UBQLN4: variants seen among roughly 807,000 people sequenced by gnomAD.
The protein encoded by UBQLN4 is ubiquilin-4.
A neutral mutation model predicts 60.4 loss-of-function variants in UBQLN4; 11 were observed. The ratio of observed to expected loss-of-function variants is 0.18; its 90% CI spans 0.11 to 0.30. The LOEUF is 0.30. Among genes scored for constraint, UBQLN4 ranks in the 10% least tolerant of loss-of-function variants. UBQLN4 has a pLI of 1.00. For missense variants in UBQLN4, 417 were observed against 795.5 expected, an observed-to-expected ratio of 0.52 and a Z score of 5.72; for synonymous variants, 258 against 313.1, an observed-to-expected ratio of 0.82 and a Z score of 1.86.
At chr1:156,045,914 C>T (rs1278804995) in intron 5 of UBQLN4, among the ~76,000 whole-genome samples, 1 of 151,806 alleles carries the variant, frequency 6.6e-6, no homozygotes, top group African/African-American at 2.4e-5. Flanking sequence ...GGCACAATCT[C>T]GGCTCACTGC....
intron 2 of UBQLN4, 73 bp downstream of exon 2, chr1:156,051,633 T>A: frequency 1.9e-6 from 3 of 1,600,790 alleles, no homozygotes; most frequent in East Asian, 2.2e-5. Flanking sequence ...TGGGTACAGT[T>A]AAGCAATGAG....
At position 156,048,698 on chromosome 1, in the gene UBQLN4, G is replaced by T. The variant is rs1344402852; in HGVS notation, c.742-39C>A. The T allele has an allele frequency of 1.3e-6, 2 of 1,597,976 alleles. No individual in the cohort carries two copies. Among genetic ancestry groups the T allele is most frequent in the African/African-American group, 2.7e-5 (2 of 74,646 alleles). On this transcript the variant is annotated intron_variant, in intron 4 of 10. Transcript: ENST00000368309. This position sits in a 1 kb window ranked among gnomAD's most constrained non-coding sequence, Gnocchi z 4.9. ...AGAGACAAAATGGGCCCCGGAACCA[G>T]GGGAGCACCAACCTAGGAAAAGGGT...
At position 156,042,213 on chromosome 1, in the gene UBQLN4, G is replaced by A. The variant is rs192302628; in HGVS notation, c.1290C>T (p.Phe430=). ...GCTCCTGCAGTTGGGGGTTCCCCGC[G>A]AAGAGCGGCACATTCACCATCATCT... ...AAQMMVNVPL[F]AGNPQLQEQL... The change falls in exon 8 of 11, where the codon TTC becomes TTT. Residue 430 remains phenylalanine (F), a synonymous_variant. Transcript: ENST00000368309. 2.1e-5 allele frequency: 33 copies of A among 1,604,388 alleles called. No homozygotes were observed. The Admixed American group carries it at 2.9e-4, about 14-fold the overall frequency.
At chr1:156,045,347 T>C (rs1432704432) in intron 5 of UBQLN4, among the ~76,000 whole-genome samples, 5 of 152,224 alleles carry the variant, frequency 3.3e-5, no homozygotes, top group African/African-American at 1.2e-4. Context: ...CCTCTGTGCC[T>C]GTTTCAGATT....
Position 156,041,580 on chromosome 1 carries a change from T to C in UBQLN4, c.1558A>G (p.Thr520Ala). The C allele has an allele frequency of 6.2e-7, 1 of 1,612,832 alleles. No individual in the cohort carries two copies. The highest frequency in any genetic ancestry group is 2.2e-5 in the East Asian group (1 of 44,790). ...TPEAPTSSPA[T>A]PATSSPTGAS... is the part of the protein sequence containing the mutation. ...CCTGTTGGAGAAGATGTGGCTGGCGTGGCTGGTGAGGAAGTGGGGGCCTCG... is the reference window on the plus strand; with the variant it reads ...CCTGTTGGAGAAGATGTGGCTGGCGCGGCTGGTGAGGAAGTGGGGGCCTCG... Residue 520 changes from threonine (T) to alanine (A), a missense_variant, in exon 10 of 11, where the codon ACG (threonine) becomes GCG (alanine). Transcript: ENST00000368309.
chr1:156,039,607 GGT>G (rs1683494574), intron 10 of UBQLN4, among the ~76,000 whole-genome samples: 1 of 151,904 alleles, frequency 6.6e-6, no homozygotes, highest in African/African-American at 2.4e-5. Flanking sequence ...TTGCCCAAGG[GGT>G]ATTTGGAAAG....
rs762666842 is a variant in UBQLN4 at position 156,041,861 on chromosome 1, C to G, written c.1466+11G>C. ...TAGAACCTTGCTGCCCTCCTGCCCC[C>G]CTACCCTCACCTGGGTACCAGCCCA... is the stretch of plus-strand genomic sequence containing the variant. On this transcript the variant is annotated intron_variant, in intron 9 of 10. Coordinates refer to ENST00000368309, the MANE Select transcript of UBQLN4 (RefSeq NM_020131.5). 1.2e-6 allele frequency: 2 copies of G among 1,605,408 alleles called. No homozygotes were observed. Among genetic ancestry groups the G allele is most frequent in the Non-Finnish European group, 8.5e-7 (1 of 1,177,222 alleles).
intron 3 of UBQLN4, 70 bp downstream of exon 3, chr1:156,051,040 C>T (rs4581274): frequency 6.8e-7 from 1 of 1,466,360 alleles, no homozygotes; most frequent in Non-Finnish European, 9.4e-7. Context: ...ACTCCTGTTT[C>T]TCCCTCCTCT....
Position 156,041,861 on chromosome 1 carries a change from C to A in UBQLN4, c.1466+11G>T, listed in dbSNP as rs762666842. 5 of 1,605,408 alleles carry A rather than the reference C, an allele frequency of 3.1e-6. No individual in the cohort carries two copies. The East Asian group carries it at 8.9e-5, about 29-fold the overall frequency. ...TAGAACCTTGCTGCCCTCCTGCCCCCCTACCCTCACCTGGGTACCAGCCCA... is the reference window on the plus strand; with the variant it reads ...TAGAACCTTGCTGCCCTCCTGCCCCACTACCCTCACCTGGGTACCAGCCCA... On this transcript the variant is annotated intron_variant, in intron 9 of 10. Transcript: ENST00000368309.
downstream of UBQLN4, among the ~76,000 whole-genome samples, chr1:156,031,577 CTTT>C (rs58222507): frequency 7.7e-4 from 95 of 122,690 alleles, no homozygotes; most frequent in Non-Finnish European, 9.7e-4. Flanking sequence ...GGAACTTCTT[CTTT>C]TTTTTTTTTT....
In UBQLN4 at chr1:156,037,116, T is replaced by C. The variant is rs767056247; in HGVS notation, c.1668A>G (p.Glu556=). 3 of 1,614,154 alleles carry C rather than the reference T, an allele frequency of 1.9e-6. No homozygotes were observed. The highest frequency in any genetic ancestry group is 1.7e-4 in the Middle Eastern group (1 of 6,060). The part of the protein sequence containing the change: ...GSGNSQVQTP[E]VRFQQQLEQL... ...GCTCCAGCTGCTGCTGAAATCTCAC[T>C]TCTGGCGTCTGCACCTGGAGGGGAC... Residue 556 remains glutamate, a synonymous_variant, in exon 11 of 11, where the codon GAA becomes GAG. Transcript: ENST00000368309.
chr1:156,051,900 T>TC (rs1014350422), intron 1 of UBQLN4, 43 bp from the exon 2 acceptor site: 1 of 1,609,470 alleles, frequency 6.2e-7, no homozygotes, highest in Non-Finnish European at 8.5e-7. Context: ...CTGCCTGGAC[T>TC]CCCCCTACCA....
intron 1 of UBQLN4, 132 bp from the exon 2 acceptor site, chr1:156,051,989 C>G (rs1469538197): frequency 2.8e-6 from 3 of 1,080,984 alleles, no homozygotes; most frequent in Non-Finnish European, 3.9e-6. Context: ...TCTGTAGTCT[C>G]GACGCCATTC....
chr1:156,037,250 G>A (rs1174464304), intron 10 of UBQLN4, 120 bp from the exon 11 acceptor site: 2 of 1,291,426 alleles, frequency 1.5e-6, no homozygotes, highest in African/African-American at 3.0e-5. Flanking sequence ...CAGGAGGGCA[G>A]GGAAGATGAG....
rs1232726348 is a variant in UBQLN4 at position 156,041,544 on chromosome 1, C to T, written c.1594G>A (p.Ala532Thr). The T allele has an allele frequency of 3.7e-6, 6 of 1,612,466 alleles. No homozygotes were observed. The highest frequency in any genetic ancestry group is 1.8e-4 in the Middle Eastern group (1 of 5,442). Residue 532 changes from alanine to threonine, a missense_variant, in exon 10 of 11, where the codon GCC (alanine) becomes ACC (threonine). Physicochemically the swap from Ala to Thr is moderately conservative, Grantham distance 58. Transcript: ENST00000368309. ...ATSSPTGASS[A>T]QQQLMQQMIQ... The stretch of plus-strand genomic sequence containing the variant: ...ATCTGCTGCATGAGTTGCTGCTGGG[C>T]GCTGGAAGCCCCTGTTGGAGAAGAT...
rs1421155645 is a variant in UBQLN4 at position 156,036,774 on chromosome 1, G to A, written c.*204C>T. ...ACTGCTCAAGGAGACCAGGAGAGAA[G>A]AGTCTGTTAGAGACGTAGCAGTAAA... On this transcript the variant is annotated 3_prime_UTR_variant, in exon 11 of 11. Transcript: ENST00000368309. 3 of 1,410,776 alleles carry A rather than the reference G, an allele frequency of 2.1e-6. No homozygotes were observed. The highest frequency in any genetic ancestry group is 2.8e-6 in the Non-Finnish European group (3 of 1,083,726). The allele number at this position is 1,410,776 out of a possible 1,614,324, so 87.4% of individuals were successfully genotyped here.
rs1464621203 is a variant in UBQLN4 at position 156,052,569 on chromosome 1, C to T, written c.109-712G>A. On this transcript the variant is annotated intron_variant, in intron 1 of 10. Coordinates refer to ENST00000368309, the MANE Select transcript of UBQLN4 (RefSeq NM_020131.5). ...GAACTCGTGACCTCAGGTGATCCACCAGACTCAGACTCCCAAAGTGCTGGG... is the reference window on the plus strand; with the variant it reads ...GAACTCGTGACCTCAGGTGATCCACTAGACTCAGACTCCCAAAGTGCTGGG... Among the ~76,000 whole-genome samples the T allele has an allele frequency of 1.3e-5, 2 of 152,162 alleles. 1 individual carries two copies. The highest frequency in any genetic ancestry group is 4.1e-4 in the South Asian group (2 of 4,824).
Position 156,051,600 on chromosome 1 carries a change from C to T in UBQLN4, c.260+106G>A, listed in dbSNP as rs910912955. 171 of 1,505,138 alleles carry T rather than the reference C, an allele frequency of 1.1e-4. No homozygotes were observed. The African/African-American group carries it at 2.0e-3, about 17-fold the overall frequency. The allele number at this position is 1,505,138 out of a possible 1,614,324, so 93.2% of individuals were successfully genotyped here. A position where few individuals can be genotyped will look rare whatever the true frequency, so the allele number is the denominator to read the frequency against. On this transcript the variant is annotated intron_variant, in intron 2 of 10. Coordinates refer to ENST00000368309, the MANE Select transcript of UBQLN4 (RefSeq NM_020131.5). ...ATCATATTCATCCAGGAGCTACCTG[C>T]CTGGGCCTCAGCTTAGGCCCTCTGG...
At chr1:156,039,321 G>A (rs1008624333) in intron 10 of UBQLN4, among the ~76,000 whole-genome samples, 2 of 143,530 alleles carry the variant, frequency 1.4e-5, no homozygotes, top group African/African-American at 5.2e-5. Context: ...CACGATCTCA[G>A]CTCACTACAA....
Sources: gnomAD v4.1 joint callset for allele counts (sites outside exome capture counted in the v4.1 genomes callset) on GRCh38, gnomAD v4.1.1 for gene constraint, Gnocchi (gnomAD v3.1) non-coding constraint, MANE v1.5 for transcripts, NCBI Gene and HGNC (gene_info 2026-07-23, HGNC 2026-07-21) for gene names.